The following ERBB4 variants were observed in gnomAD, a reference collection of about 807,000 sequenced individuals.
ERBB4 encodes the protein receptor tyrosine-protein kinase erbB-4.
A neutral mutation model predicts 158.0 loss-of-function variants in ERBB4; 42 were observed. That is an observed-to-expected ratio of 0.27 (90% CI 0.21 to 0.34). The LOEUF is 0.34. ERBB4 is among the 10% of genes least tolerant of loss of function. ERBB4 has a pLI of 1.00. For missense variants in ERBB4, 1,333 were observed against 1,624.1 expected (o/e 0.82, Z 3.08); for synonymous variants, 583 against 558.7 (o/e 1.04, Z -0.61).
At chr2:211,985,795 A>C (rs2081922827) in intron 2 of ERBB4, among the ~76,000 whole-genome samples, 1 of 152,146 alleles carries the variant, frequency 6.6e-6, no homozygotes, top group African/African-American at 2.4e-5. Flanking sequence ...CATACTAAAA[A>C]TCTTGCTTAA....
chr2:211,951,577 A>G (rs937647334), intron 2 of ERBB4, among the ~76,000 whole-genome samples: 2 of 152,144 alleles, frequency 1.3e-5, no homozygotes, highest in Middle Eastern at 3.2e-3. Context: ...GTGTTGTAAT[A>G]TTTACATACT....
At chr2:212,247,125 G>A (rs1481184489) in intron 1 of ERBB4, among the ~76,000 whole-genome samples, 4 of 152,132 alleles carry the variant, frequency 2.6e-5, no homozygotes, top group Non-Finnish European at 5.9e-5. Flanking sequence ...GTGATAGTTT[G>A]AGAAAAGGCA....
intron 2 of ERBB4, among the ~76,000 whole-genome samples, chr2:211,986,184 T>C (rs1387692788): frequency 6.6e-6 from 1 of 152,182 alleles, no homozygotes; most frequent in Non-Finnish European, 1.5e-5. Context: ...AGATTCTTTC[T>C]CAGAGTATCA....
At chr2:211,450,877 G>A (rs2125476955) in intron 20 of ERBB4, among the ~76,000 whole-genome samples, 1 of 152,238 alleles carries the variant, frequency 6.6e-6, no homozygotes, top group Non-Finnish European at 1.5e-5. Flanking sequence ...TACAGTGAAG[G>A]CACCACGAGG....
intron 1 of ERBB4, among the ~76,000 whole-genome samples, chr2:212,450,963 G>GA (rs1478711875): frequency 2.6e-5 from 4 of 151,844 alleles, no homozygotes; most frequent in South Asian, 2.1e-4. Flanking sequence ...CTACCTTTAC[G>GA]AAAAAATAAA....
At chr2:211,962,854 A>G (rs1304897158) in intron 2 of ERBB4, among the ~76,000 whole-genome samples, 1 of 152,154 alleles carries the variant, frequency 6.6e-6, no homozygotes. Context: ...TAAAAAAACC[A>G]GTATAAGGAA....
chr2:211,557,529 A>T (rs1474960677), intron 20 of ERBB4, among the ~76,000 whole-genome samples: 3 of 152,196 alleles, frequency 2.0e-5, no homozygotes, highest in African/African-American at 7.2e-5. Flanking sequence ...AACATCACTG[A>T]TCATTAGAGA....
chr2:212,422,662 G>A (rs1227144180), intron 1 of ERBB4, among the ~76,000 whole-genome samples: 1 of 152,196 alleles, frequency 6.6e-6, no homozygotes, highest in Non-Finnish European at 1.5e-5. Context: ...CTTTTACTGT[G>A]AGAGCGAAGC....
intron 1 of ERBB4, among the ~76,000 whole-genome samples, chr2:212,368,813 T>C (rs1247221235): frequency 6.6e-6 from 1 of 152,162 alleles, no homozygotes; most frequent in African/African-American, 2.4e-5. Flanking sequence ...TTGGGAGATA[T>C]GGCCTATTCT....
intron 3 of ERBB4, among the ~76,000 whole-genome samples, chr2:211,895,428 T>G (rs2125017101): frequency 6.6e-6 from 1 of 152,256 alleles, no homozygotes; most frequent in East Asian, 1.9e-4. Flanking sequence ...TGGCTAATTT[T>G]TAAGTTTTTG....
intron 1 of ERBB4, 168 bp from the exon 2 acceptor site, chr2:212,125,071 C>T (rs1318703088): frequency 1.4e-6 from 1 of 713,542 alleles, no homozygotes; most frequent in South Asian, 1.7e-5. Context: ...TGAACATTTT[C>T]ACTTTTATAT....
intron 3 of ERBB4, among the ~76,000 whole-genome samples, chr2:211,792,883 C>A (rs895387379): frequency 1.3e-5 from 2 of 151,792 alleles, no homozygotes; most frequent in Non-Finnish European, 2.9e-5. Context: ...CATTTCTTGT[C>A]AAATGCTAGT....
rs759334143 is a variant in ERBB4 at position 211,422,139 on chromosome 2, C to A, written c.2867-35G>T. On this transcript the variant is annotated intron_variant, in intron 23 of 27. Transcript: ENST00000342788. Reference sequence around the variant, plus strand: ...TACACAGTGAAAATGTCACTATATTCGTAACTAGAAAGGAGTTGAAATTTA... The same window carrying A: ...TACACAGTGAAAATGTCACTATATTAGTAACTAGAAAGGAGTTGAAATTTA... The A allele has an allele frequency of 5.3e-6, 7 of 1,320,720 alleles. No individual in the cohort carries two copies. The East Asian group carries it at 1.4e-4, about 26-fold the overall frequency. The allele number at this position is 1,320,720 out of a possible 1,614,324, so 81.8% of individuals were successfully genotyped here.
intron 2 of ERBB4, among the ~76,000 whole-genome samples, chr2:212,083,885 C>A (rs2078521135): frequency 6.8e-6 from 1 of 146,778 alleles, no homozygotes; most frequent in African/African-American, 2.5e-5. Context: ...TGACTTTATA[C>A]ATTCAATTCT....
intron 1 of ERBB4, among the ~76,000 whole-genome samples, chr2:212,505,222 G>A (rs1211642652): frequency 2.6e-5 from 4 of 152,024 alleles, no homozygotes; most frequent in Admixed American, 1.3e-4. Context: ...TCAGCCTCCC[G>A]AGTAGCGGGG....
intron 1 of ERBB4, among the ~76,000 whole-genome samples, chr2:212,371,122 GC>G (rs2090070654): frequency 6.6e-6 from 1 of 152,148 alleles, no homozygotes; most frequent in African/African-American, 2.4e-5. Flanking sequence ...GATTTTTACT[GC>G]CCAATCACGT....
At chr2:211,541,037 G>C (rs967931667) in intron 20 of ERBB4, among the ~76,000 whole-genome samples, 3 of 151,844 alleles carry the variant, frequency 2.0e-5, no homozygotes, top group African/African-American at 7.3e-5. Context: ...GTGTCAATTT[G>C]CTCTCTCCCT....
chr2:211,442,310 T>C (rs1287258043), intron 20 of ERBB4, among the ~76,000 whole-genome samples: 1 of 152,108 alleles, frequency 6.6e-6, no homozygotes, highest in African/African-American at 2.4e-5. Flanking sequence ...CTCCACAAGA[T>C]CTTCCCCAAC....
At chr2:212,046,417 AG>A (rs35220600) in intron 2 of ERBB4, among the ~76,000 whole-genome samples, 1 of 152,102 alleles carries the variant, frequency 6.6e-6, no homozygotes, top group Non-Finnish European at 1.5e-5. Context: ...AAATCTGGTA[AG>A]GGAGTATTTT....
Sources: gnomAD v4.1 joint callset for allele counts (sites outside exome capture counted in the v4.1 genomes callset) on GRCh38, gnomAD v4.1.1 for gene constraint, MANE v1.5 for transcripts, NCBI Gene and HGNC (gene_info 2026-07-23, HGNC 2026-07-21) for gene names.